Variants in CACNA1C observed in about 807,000 individuals in gnomAD.
CACNA1C encodes the protein voltage-dependent L-type calcium channel subunit alpha-1C.
CACNA1C carries 30 observed loss-of-function variants against 229.0 expected under a neutral mutation model. The ratio of observed to expected loss-of-function variants is 0.13; its 90% confidence interval spans 0.10 to 0.18. The LOEUF (loss-of-function observed/expected upper bound fraction) is 0.18. CACNA1C is among the 10% of genes least tolerant of loss of function. The pLI is 1.00. For missense variants in CACNA1C, 1,658 were observed against 2,845.0 expected (o/e 0.58, Z 9.49); for synonymous variants, 1,114 against 1,132.5 (o/e 0.98, Z 0.33).
intron 30 of CACNA1C, among the ~76,000 whole-genome samples, chr12:2,640,657 G>A (rs1159797379): frequency 2.6e-5 from 4 of 152,178 alleles, no homozygotes; most frequent in South Asian, 2.1e-4. Flanking sequence ...GAGTGTCCAG[G>A]GATCAGCATG....
intron 28 of CACNA1C, 41 bp downstream of exon 28, chr12:2,610,740 G>T (rs2077247892): frequency 6.2e-7 from 1 of 1,607,984 alleles, no homozygotes. Context: ...CTGCAGAAGG[G>T]AGTGTGCCAT....
chr12:2,170,872 G>A (rs1031281469), intron 3 of CACNA1C, among the ~76,000 whole-genome samples: 1 of 152,224 alleles, frequency 6.6e-6, no homozygotes, highest in Non-Finnish European at 1.5e-5. Flanking sequence ...GGGCCCTGAG[G>A]CAGGGGTTGG....
In CACNA1C at chr12:2,034,241, G is replaced by C. The variant is rs2048715724; in HGVS notation, c.139+63040G>C. 6.6e-6 allele frequency among the ~76,000 whole-genome samples: 1 copy of C among 152,218 alleles called. No individual in the cohort carries two copies. The highest frequency in any genetic ancestry group is 2.4e-5 in the African/African-American group (1 of 41,450). On this transcript the variant is annotated intron_variant, in intron 1 of 46. Transcript: ENST00000682462. The surrounding 1 kb of genome is among the most constrained non-coding windows in gnomAD (Gnocchi z 4.1). ...CACATGCTTAGTGTGGGAAAGTTAA[G>C]ATTTTGCCACATCCAAGTCCTTTTA...
Position 2,456,120 on chromosome 12 carries a change from A to G in CACNA1C, c.618-1447A>G, listed in dbSNP as rs578261536. On this transcript the variant is annotated intron_variant, in intron 4 of 46. Transcript: ENST00000399655. The stretch of plus-strand genomic sequence containing the variant: ...CAGAACGCTTAATGTCCATTCCGCC[A>G]TATCTCATCATTCCTGTTGCTCATG... Among the ~76,000 whole-genome samples the G allele has an allele frequency of 2.0e-5, 3 of 152,274 alleles. No individual in the cohort carries two copies. The East Asian group carries it at 5.8e-4, about 29-fold the overall frequency.
intron 13 of CACNA1C, among the ~76,000 whole-genome samples, chr12:2,577,275 A>T (rs2058758205): frequency 6.6e-6 from 1 of 152,200 alleles, no homozygotes; most frequent in African/African-American, 2.4e-5. Context: ...TTTCATGTAG[A>T]CAGTAGGCTG....
chr12:2,277,354 GACAGACAGACACACACACACACACAC>G lies in CACNA1C; in HGVS notation c.477+156928_477+156953del, dbSNP rs1201860671. On this transcript the variant is annotated intron_variant, in intron 3 of 46. Coordinates refer to ENST00000399655, the MANE Select transcript of CACNA1C (RefSeq NM_000719.7). ...TAGTAGACAGACAGACAGACAGACA[GACAGACAGACACACACACACACACAC>G]ACACACACACACACACACACACACA... Among the ~76,000 whole-genome samples, 221 of 87,164 alleles carry G rather than the reference GACAGACAGACACACACACACACACAC, an allele frequency of 2.5e-3. 2 individuals are homozygous for G. The highest frequency in any genetic ancestry group is 9.0e-3 in the African/African-American group (174 of 19,266). 57.2% of individuals were successfully genotyped at this position (87,164 alleles called of 152,430 possible). A position where few individuals can be genotyped will look rare whatever the true frequency, so the allele number is the denominator to read the frequency against.
chr12:2,609,115 A>C (rs1019168362), intron 27 of CACNA1C, among the ~76,000 whole-genome samples: 7 of 152,118 alleles, frequency 4.6e-5, no homozygotes, highest in Non-Finnish European at 8.8e-5. Context: ...GCTTCAGGAA[A>C]CCACTCTTAC....
At position 2,630,394 on chromosome 12, in the gene CACNA1C, G is replaced by C. The variant is rs553365319; in HGVS notation, c.3829-3903G>C. On this transcript the variant is annotated intron_variant, in intron 29 of 46. Transcript: ENST00000399655. This position sits in a 1 kb window ranked among gnomAD's most constrained non-coding sequence, Gnocchi z 5.4. ...AGCCCTTCCACTCCCGAGAGTGTTG[G>C]GAAAAGTATTCCTCCTAGGACCCAA... is the stretch of plus-strand genomic sequence containing the variant. 7.2e-4 allele frequency among the ~76,000 whole-genome samples: 110 copies of C among 152,264 alleles called. No individual in the cohort carries two copies. Among genetic ancestry groups the C allele is most frequent in the African/African-American group, 2.6e-3 (108 of 41,546 alleles).
Position 2,585,980 on chromosome 12 carries a change from G to A in CACNA1C, c.2530+76G>A. The A allele has an allele frequency of 1.2e-6, 1 of 844,228 alleles. No individual in the cohort carries two copies. The highest frequency in any genetic ancestry group is 1.8e-6 in the Non-Finnish European group (1 of 540,846). The allele number at this position is 844,228 out of a possible 1,614,324, so 52.3% of individuals were successfully genotyped here. On this transcript the variant is annotated intron_variant, in intron 18 of 46. Transcript: ENST00000399655. This position sits in a 1 kb window ranked among gnomAD's most constrained non-coding sequence, Gnocchi z 4.1. ...TAAATTCTAAAGCCACGTGGGAGTG[G>A]CCATATATTAGGGACCATGGTTCCA...
chr12:2,164,390 C>T (rs1179649871), intron 3 of CACNA1C, among the ~76,000 whole-genome samples: 2 of 152,202 alleles, frequency 1.3e-5, no homozygotes, highest in African/African-American at 4.8e-5. Flanking sequence ...CAGGGCAAAT[C>T]CCTTTGCCTC....
rs2072453402 is a variant in CACNA1C at position 2,601,739 on chromosome 12, T to C, written c.2854-115T>C. On this transcript the variant is annotated intron_variant, in intron 21 of 46. Coordinates refer to ENST00000399655, the MANE Select transcript of CACNA1C (RefSeq NM_000719.7). The surrounding 1 kb of genome is among the most constrained non-coding windows in gnomAD (Gnocchi z 5.9). ...CCGTCTTTGTCCTTCCTGTTCCCCA[T>C]GGATGGTGCTTGGGACTTGCCCAAG... 2.3e-5 allele frequency: 17 copies of C among 741,934 alleles called. No individual in the cohort carries two copies. Among genetic ancestry groups the C allele is most frequent in the Non-Finnish European group, 4.2e-5 (17 of 401,062 alleles). The allele number at this position is 741,934 out of a possible 1,614,324, so 46.0% of individuals were successfully genotyped here. A position where few individuals can be genotyped will look rare whatever the true frequency, so the allele number is the denominator to read the frequency against.
intron 3 of CACNA1C, among the ~76,000 whole-genome samples, chr12:2,305,811 C>G (rs1406351411): frequency 6.6e-6 from 1 of 152,198 alleles, no homozygotes. Context: ...CCACTGCATG[C>G]CACCCTGGGT....
rs111228110 is a variant in CACNA1C, at chr12:2,391,247, C to T, written c.478-57729C>T. ...TTTGGGTGTTTGTGGTGCATCCACA[C>T]GGACACGTCCATTAGGAGTTTGTAT... On this transcript the variant is annotated intron_variant, in intron 3 of 46. Coordinates refer to ENST00000399655, the MANE Select transcript of CACNA1C (RefSeq NM_000719.7). Among the ~76,000 whole-genome samples, 901 of 152,252 alleles carry T rather than the reference C, an allele frequency of 5.9e-3. 8 individuals are homozygous for T. The highest frequency in any genetic ancestry group is 0.02 in the African/African-American group (843 of 41,538).
intron 3 of CACNA1C, among the ~76,000 whole-genome samples, chr12:2,383,261 A>G (rs893024578): frequency 2.0e-5 from 3 of 152,194 alleles, no homozygotes; most frequent in Admixed American, 1.3e-4. Flanking sequence ...GAGCAAAGGC[A>G]AACAAGAGCA....
chr12:2,357,688 C>T lies in CACNA1C; in HGVS notation c.478-91288C>T, dbSNP rs114041343. ...TTAAAAAAAAAAAAAAAAAAGGAAT[C>T]GGCCAGGCACAGTGGTTCACACCTG... On this transcript the variant is annotated intron_variant, in intron 3 of 46. Coordinates refer to ENST00000399655, the MANE Select transcript of CACNA1C (RefSeq NM_000719.7). 6.4e-3 allele frequency among the ~76,000 whole-genome samples: 910 copies of T among 142,978 alleles called. 9 individuals carry two copies. The highest frequency in any genetic ancestry group is 0.023 in the African/African-American group (857 of 38,060). The allele number at this position is 142,978 out of a possible 152,430, so 93.8% of individuals were successfully genotyped here.
intron 3 of CACNA1C, among the ~76,000 whole-genome samples, chr12:2,383,919 C>A (rs1266984292): frequency 6.6e-6 from 1 of 152,224 alleles, no homozygotes; most frequent in African/African-American, 2.4e-5. Context: ...AATTGATTAG[C>A]ATTTCATCCT....
chr12:2,383,721 T>G lies in CACNA1C; in HGVS notation c.478-65255T>G, dbSNP rs1324069251. 2.0e-5 allele frequency among the ~76,000 whole-genome samples: 3 copies of G among 152,088 alleles called. No individual in the cohort carries two copies. The East Asian group carries it at 5.8e-4, about 29-fold the overall frequency. On this transcript the variant is annotated intron_variant, in intron 3 of 46. Transcript: ENST00000399655. Reference sequence around the variant, plus strand: ...GGGAGAGCTGAACACTCAAACCACGTCAAAATAGAAGGAACCAAAAATACA... The same window carrying G: ...GGGAGAGCTGAACACTCAAACCACGGCAAAATAGAAGGAACCAAAAATACA...
intron 18 of CACNA1C, among the ~76,000 whole-genome samples, chr12:2,592,225 G>A (rs1276664832): frequency 2.6e-5 from 4 of 152,186 alleles, no homozygotes; most frequent in African/African-American, 9.7e-5. Flanking sequence ...TAATTTACAG[G>A]CTTCGAGTCT....
intron 1 of CACNA1C, among the ~76,000 whole-genome samples, chr12:1,975,010 C>T (rs1312356718): frequency 6.6e-6 from 1 of 152,100 alleles, no homozygotes; most frequent in Non-Finnish European, 1.5e-5. Flanking sequence ...AATAGCTCTG[C>T]TGAAAATAGC....
Sources: gnomAD v4.1 joint callset for allele counts (sites outside exome capture counted in the v4.1 genomes callset) on GRCh38, gnomAD v4.1.1 for gene constraint, Gnocchi (gnomAD v3.1) non-coding constraint, MANE v1.5 for transcripts, NCBI Gene and HGNC (gene_info 2026-07-23, HGNC 2026-07-21) for gene names.